Variants in VTI1A observed in about 807,000 individuals in gnomAD.
VTI1A encodes vesicle transport through interaction with t-SNAREs homolog 1A.
VTI1A carries 22 observed loss-of-function variants against 34.9 expected under a neutral mutation model. That is an observed-to-expected ratio of 0.63 (90% CI 0.45 to 0.90). The LOEUF (loss-of-function observed/expected upper bound fraction) is 0.90, where lower values mean the gene tolerates loss of function less well. Ranked by LOEUF, VTI1A falls within the 40% of genes least tolerant of loss-of-function variation. The pLI, the probability that VTI1A is intolerant of heterozygous loss-of-function variation, is 0.00. For synonymous variants in VTI1A, 87 were observed against 97.3 expected, an observed-to-expected ratio of 0.89 and a Z score of 0.62; for missense variants, 268 against 275.6, an observed-to-expected ratio of 0.97 and a Z score of 0.20.
chr10:112,641,135 C>T (rs532045468), intron 5 of VTI1A, among the ~76,000 whole-genome samples: 27 of 151,834 alleles, frequency 1.8e-4, no homozygotes, highest in Non-Finnish European at 2.6e-4. Flanking sequence ...GCAAAAGTCA[C>T]GGATTTTCTC....
chr10:112,492,836 A>G (rs1313873443), intron 3 of VTI1A, among the ~76,000 whole-genome samples: 1 of 152,126 alleles, frequency 6.6e-6, no homozygotes, highest in East Asian at 1.9e-4. Flanking sequence ...AACATTTTCC[A>G]TTATAAATAT....
intron 7 of VTI1A, among the ~76,000 whole-genome samples, chr10:112,688,310 CT>C (rs34560396): frequency 1.3e-5 from 2 of 151,528 alleles, no homozygotes; most frequent in African/African-American, 4.8e-5. Context: ...CAAAAGAAAA[CT>C]TTTTTTTAAA....
chr10:112,784,587 A>G (rs1052186957), intron 7 of VTI1A, among the ~76,000 whole-genome samples: 2 of 152,188 alleles, frequency 1.3e-5, no homozygotes, highest in African/African-American at 4.8e-5. Context: ...CAGTGTTTCA[A>G]TGTGGCACAG....
intron 4 of VTI1A, among the ~76,000 whole-genome samples, chr10:112,528,272 C>T (rs954828683): frequency 5.3e-5 from 8 of 152,136 alleles, no homozygotes; most frequent in African/African-American, 1.9e-4. Flanking sequence ...ATAGTATTTG[C>T]TATCTATTAT....
intron 3 of VTI1A, among the ~76,000 whole-genome samples, chr10:112,469,049 G>A (rs1308965690): frequency 6.6e-6 from 1 of 152,134 alleles, no homozygotes; most frequent in East Asian, 1.9e-4. Flanking sequence ...ACACTGATCT[G>A]TATATGTCAT....
chr10:112,802,725 G>GT (rs1035763039), intron 7 of VTI1A, among the ~76,000 whole-genome samples: 3 of 151,882 alleles, frequency 2.0e-5, no homozygotes, highest in Non-Finnish European at 2.9e-5. Context: ...GGACCTTTTT[G>GT]TTTTTTTTAA....
chr10:112,821,697 G>A (rs953036347), downstream of VTI1A, among the ~76,000 whole-genome samples: 1 of 152,192 alleles, frequency 6.6e-6, no homozygotes, highest in Non-Finnish European at 1.5e-5. Context: ...GAAAAGAGGA[G>A]CCAAGAACAT....
the VTI1A span, chr10:112,826,422 A>G: frequency 6.6e-6 from 1 of 152,194 alleles, no homozygotes; most frequent in Non-Finnish European, 1.5e-5. Context: ...TGCTCTAGAA[A>G]TGAAGTCTAA....
At chr10:112,811,592 G>C (rs957777844) in intron 7 of VTI1A, among the ~76,000 whole-genome samples, 1 of 151,002 alleles carries the variant, frequency 6.6e-6, no homozygotes, top group African/African-American at 2.4e-5. Flanking sequence ...GCTGAGGCGG[G>C]AGAATGGCGT....
At chr10:112,482,527 G>A (rs980090346) in intron 3 of VTI1A, among the ~76,000 whole-genome samples, 1 of 152,000 alleles carries the variant, frequency 6.6e-6, no homozygotes, top group African/African-American at 2.4e-5. Flanking sequence ...ATGGCACTGT[G>A]GCTCACACTA....
chr10:112,737,447 A>G, intron 7 of VTI1A: 1 of 1,041,540 alleles, frequency 9.6e-7, no homozygotes, highest in Non-Finnish European at 1.2e-6. Flanking sequence ...AAAAAGTTCT[A>G]ACAAAATAAT....
chr10:112,732,687 G>T (rs765482453), intron 7 of VTI1A, among the ~76,000 whole-genome samples: 1 of 152,172 alleles, frequency 6.6e-6, no homozygotes, highest in South Asian at 2.1e-4. Flanking sequence ...CACACTGTGT[G>T]TGGCCTTTAC....
intron 5 of VTI1A, among the ~76,000 whole-genome samples, chr10:112,588,268 C>T (rs1298350900): frequency 6.6e-6 from 1 of 151,842 alleles, no homozygotes; most frequent in East Asian, 1.9e-4. Context: ...TCCAGCTAAT[C>T]TAAAATAATT....
At chr10:112,763,030 C>A (rs897063215) in intron 7 of VTI1A, among the ~76,000 whole-genome samples, 8 of 152,178 alleles carry the variant, frequency 5.3e-5, no homozygotes, top group Non-Finnish European at 1.2e-4. Context: ...CATACCCAGA[C>A]AGCCCCTGCC....
chr10:112,635,677 A>T (rs953629207), intron 5 of VTI1A, among the ~76,000 whole-genome samples: 1 of 152,206 alleles, frequency 6.6e-6, no homozygotes, highest in Non-Finnish European at 1.5e-5. Context: ...AATGGAAAAG[A>T]AACAAGTATG....
chr10:112,795,459 C>T (rs533097914), intron 7 of VTI1A, among the ~76,000 whole-genome samples: 12 of 123,874 alleles, frequency 9.7e-5, no homozygotes, highest in Non-Finnish European at 2.0e-4. Flanking sequence ...TTCTGAGAGA[C>T]AGTCTTGCTC....
In VTI1A at chr10:112,677,179, C is replaced by A. The variant is rs143042008; in HGVS notation, c.560+8181C>A. ...GAGGCATAGTCCCCTCAGAAGAATCCGAGAGCTTTTTTCCGAAAGGGTAAT... is the reference window on the plus strand; with the variant it reads ...GAGGCATAGTCCCCTCAGAAGAATCAGAGAGCTTTTTTCCGAAAGGGTAAT... On this transcript the variant is annotated intron_variant, in intron 7 of 7. Coordinates refer to ENST00000393077, the MANE Select transcript of VTI1A (RefSeq NM_145206.4). Among the ~76,000 whole-genome samples the A allele has an allele frequency of 5.1e-3, 772 of 152,102 alleles. 10 individuals are homozygous for A. Among genetic ancestry groups the A allele is most frequent in the African/African-American group, 0.018 (740 of 41,488 alleles).
intron 5 of VTI1A, among the ~76,000 whole-genome samples, chr10:112,544,951 G>T (rs569262528): frequency 6.6e-6 from 1 of 152,332 alleles, no homozygotes; most frequent in Admixed American, 6.5e-5. Context: ...TCTGAGTAGG[G>T]TGTGACAGTC....
intron 5 of VTI1A, among the ~76,000 whole-genome samples, chr10:112,562,959 A>G (rs1020716740): frequency 2.9e-4 from 44 of 152,128 alleles, no homozygotes; most frequent in African/African-American, 8.9e-4. Context: ...TACCTTCTCC[A>G]CAAACACCAA....
Sources: gnomAD v4.1 joint callset for allele counts (sites outside exome capture counted in the v4.1 genomes callset) on GRCh38, gnomAD v4.1.1 for gene constraint, MANE v1.5 for transcripts, NCBI Gene and HGNC (gene_info 2026-07-23, HGNC 2026-07-21) for gene names.